Variants in MAN2A1 observed in about 807,000 individuals in gnomAD.
MAN2A1 encodes the protein alpha-mannosidase 2.
Under a neutral mutation model 142.6 loss-of-function variants are expected in MAN2A1, and 76 were observed. That is an observed-to-expected ratio of 0.53 (90% confidence interval 0.44 to 0.65). MAN2A1 has a LOEUF of 0.65. Among genes scored for constraint, MAN2A1 ranks in the 30% least tolerant of loss-of-function variants. MAN2A1 has a pLI of 0.00. For synonymous variants in MAN2A1, 559 were observed against 473.2 expected (o/e 1.18, Z -2.35); for missense variants, 1,311 against 1,365.1 (o/e 0.96, Z 0.62).
rs1364963129 is a variant in MAN2A1 at position 109,713,729 on chromosome 5, C to T, written c.345C>T (p.Asp115=). The T allele has an allele frequency of 1.2e-6, 2 of 1,613,982 alleles. No homozygotes were observed. Among genetic ancestry groups the T allele is most frequent in the Admixed American group, 1.7e-5 (1 of 60,004 alleles). Residue 115 remains aspartate, a synonymous_variant, in exon 2 of 22, where the codon GAC becomes GAT. Transcript: ENST00000261483. ...TATCCCTCTCAGTTGACACTGCAGA[C>T]TGTCTGTTTGCTTCACAAAGTGGAA... ...SQLSLSVDTA[D]CLFASQSGSH... is the part of the protein sequence containing the mutation.
intron 4 of MAN2A1, among the ~76,000 whole-genome samples, chr5:109,731,582 A>G (rs1188620749): frequency 7.3e-6 from 1 of 136,576 alleles, no homozygotes; most frequent in East Asian, 2.2e-4. Flanking sequence ...TCATTGTTCA[A>G]TTCCCACCTA....
intron 1 of MAN2A1, among the ~76,000 whole-genome samples, chr5:109,701,975 G>A (rs1267553935): frequency 6.6e-6 from 1 of 152,172 alleles, no homozygotes; most frequent in Non-Finnish European, 1.5e-5. Flanking sequence ...ATCAGGGAAG[G>A]GAGATGCTGA....
chr5:109,763,681 G>T (rs1027221856), intron 5 of MAN2A1, among the ~76,000 whole-genome samples: 2 of 151,994 alleles, frequency 1.3e-5, no homozygotes, highest in African/African-American at 2.4e-5. Context: ...GTTTTCTAAA[G>T]AATTTAGGAC....
chr5:109,710,754 G>A lies in MAN2A1; in HGVS notation c.136-2766G>A, dbSNP rs1160685336. ...TGCCGAGCCTGGGGTGCAATGGTGC[G>A]ATCTTGGCTCACCACAACCTCCGCC... On this transcript the variant is annotated intron_variant, in intron 1 of 21. Coordinates refer to ENST00000261483, the MANE Select transcript of MAN2A1 (RefSeq NM_002372.4). Among the ~76,000 whole-genome samples, 4 of 151,956 alleles carry A rather than the reference G, an allele frequency of 2.6e-5. No homozygotes were observed. In the Middle Eastern group the frequency reaches 0.01, roughly 388 times the overall value.
intron 3 of MAN2A1, among the ~76,000 whole-genome samples, chr5:109,716,698 G>A (rs952868357): frequency 2.0e-5 from 3 of 152,180 alleles, no homozygotes; most frequent in African/African-American, 7.2e-5. Flanking sequence ...CCTTGGTGTT[G>A]ATTGGTTTCA....
chr5:109,695,005 G>T (rs539462384), intron 1 of MAN2A1, among the ~76,000 whole-genome samples: 1 of 152,268 alleles, frequency 6.6e-6, no homozygotes, highest in East Asian at 1.9e-4. Flanking sequence ...GGAAGTGATG[G>T]AACGTTGATA....
intron 5 of MAN2A1, among the ~76,000 whole-genome samples, chr5:109,762,523 C>T (rs1385402587): frequency 6.6e-6 from 1 of 152,122 alleles, no homozygotes; most frequent in Non-Finnish European, 1.5e-5. Flanking sequence ...CCATCTCACT[C>T]ATCCTGTGGA....
Position 109,819,593 on chromosome 5 carries a change from T to C in MAN2A1, c.2110-76T>C, listed in dbSNP as rs2112724538. ...AAAAAATATGATAGTTTGTTGGTTT[T>C]ACCAAAAATATAAATGGTTTGCCTC... On this transcript the variant is annotated intron_variant, in intron 13 of 21. Transcript: ENST00000261483. 16 of 874,142 alleles carry C rather than the reference T, an allele frequency of 1.8e-5. 1 individual carries two copies. In the South Asian group the frequency reaches 3.9e-4, roughly 21 times the overall value. 54.1% of individuals were successfully genotyped at this position (874,142 alleles called of 1,614,324 possible). A position where few individuals can be genotyped will look rare whatever the true frequency, so the allele number is the denominator to read the frequency against.
At chr5:109,754,052 G>A (rs35941934) in intron 4 of MAN2A1, among the ~76,000 whole-genome samples, 60,277 of 151,482 alleles carry the variant, frequency 0.4, 13,090 homozygotes, top group African/African-American at 0.58. Context: ...GGGACTACAG[G>A]CATGCACCAC....
chr5:109,778,011 C>T, intron 8 of MAN2A1, among the ~76,000 whole-genome samples: 1 of 151,836 alleles, frequency 6.6e-6, no homozygotes, highest in East Asian at 1.9e-4. Flanking sequence ...TGTTCTCCTT[C>T]CCAAAATTGC....
intron 20 of MAN2A1, among the ~76,000 whole-genome samples, chr5:109,860,019 A>C (rs1341656202): frequency 6.6e-6 from 1 of 151,986 alleles, no homozygotes; most frequent in Non-Finnish European, 1.5e-5. Context: ...GCAAATAGTT[A>C]ACCATCATTT....
chr5:109,851,725 G>A (rs1291067364), intron 19 of MAN2A1, among the ~76,000 whole-genome samples: 3 of 152,126 alleles, frequency 2.0e-5, no homozygotes, highest in Non-Finnish European at 4.4e-5. Flanking sequence ...TTCTTTGACG[G>A]TTTATCCTTA....
At chr5:109,853,405 G>A (rs1755531525) in intron 19 of MAN2A1, among the ~76,000 whole-genome samples, 2 of 152,188 alleles carry the variant, frequency 1.3e-5, no homozygotes, top group African/African-American at 4.8e-5. Flanking sequence ...ATTCTGTTGT[G>A]TGGTTAATTT....
At chr5:109,846,738 T>C (rs1247587219) in intron 18 of MAN2A1, among the ~76,000 whole-genome samples, 5 of 152,166 alleles carry the variant, frequency 3.3e-5, no homozygotes, top group Non-Finnish European at 4.4e-5. Context: ...CAAGCCCACT[T>C]TTTACATGAG....
chr5:109,704,553 A>T (rs1189091440), intron 1 of MAN2A1, among the ~76,000 whole-genome samples: 1 of 151,892 alleles, frequency 6.6e-6, no homozygotes, highest in Non-Finnish European at 1.5e-5. Flanking sequence ...CCCAGTTCAC[A>T]CTCTTTTTGG....
At chr5:109,741,074 CTTTGTCTCACTCAGA>C (rs775546185) in intron 4 of MAN2A1, among the ~76,000 whole-genome samples, 7 of 152,134 alleles carry the variant, frequency 4.6e-5, no homozygotes, top group Non-Finnish European at 8.8e-5. Flanking sequence ...AGTGCTCAAT[CTTTGTCTCACTCAGA>C]TTTGTCTCAC....
intron 4 of MAN2A1, among the ~76,000 whole-genome samples, chr5:109,744,661 C>T (rs1752352145): frequency 6.6e-6 from 1 of 151,940 alleles, no homozygotes; most frequent in South Asian, 2.1e-4. Flanking sequence ...TCATATGTTG[C>T]GGGTGGGAAT....
In MAN2A1 at chr5:109,738,667, G is replaced by A. The variant is rs528186188; in HGVS notation, c.707+9154G>A. Among the ~76,000 whole-genome samples, 4 of 152,088 alleles carry A rather than the reference G, an allele frequency of 2.6e-5. No individual in the cohort carries two copies. The East Asian group carries it at 5.8e-4, about 22-fold the overall frequency. On this transcript the variant is annotated intron_variant, in intron 4 of 21. Transcript: ENST00000261483. ...GATAATATTGAAACCAATTTTATTT[G>A]GTTTTTGTGAGGATTGAATTAATTC...
At chr5:109,826,424 A>G (rs984481883) in intron 16 of MAN2A1, among the ~76,000 whole-genome samples, 2 of 152,038 alleles carry the variant, frequency 1.3e-5, no homozygotes, top group East Asian at 3.9e-4. Flanking sequence ...TCTAGTCCGG[A>G]TCATTTTTTT....
Sources: gnomAD v4.1 joint callset for allele counts (sites outside exome capture counted in the v4.1 genomes callset) on GRCh38, gnomAD v4.1.1 for gene constraint, MANE v1.5 for transcripts, NCBI Gene and HGNC (gene_info 2026-07-23, HGNC 2026-07-21) for gene names.